DNAH12: variants seen among roughly 807,000 people sequenced by gnomAD.
DNAH12 encodes the protein dynein axonemal heavy chain 12.
In DNAH12, 285 loss-of-function variants were observed where a neutral mutation model predicts 371.5. The observed-to-expected ratio is 0.77, with a 90% CI of 0.70 to 0.85. The LOEUF (loss-of-function observed/expected upper bound fraction) is 0.85, where lower values mean the gene tolerates loss of function less well. DNAH12 is among the 40% of genes least tolerant of loss of function. DNAH12 has a pLI of 0.00. For synonymous variants in DNAH12, 1,200 were observed against 1,213.0 expected, an observed-to-expected ratio of 0.99 and a Z score of 0.22; for missense variants, 3,611 against 3,689.4, an observed-to-expected ratio of 0.98 and a Z score of 0.55.
At chr3:57,304,854 G>C (rs1204396694) in intron 69 of DNAH12, among the ~76,000 whole-genome samples, 1 of 151,722 alleles carries the variant, frequency 6.6e-6, no homozygotes. Flanking sequence ...CCACTTTCCT[G>C]GGGGGCAAGC....
intron 13 of DNAH12, among the ~76,000 whole-genome samples, chr3:57,479,258 A>G (rs2066649856): frequency 6.6e-6 from 1 of 152,160 alleles, no homozygotes; most frequent in South Asian, 2.1e-4. Flanking sequence ...AAAAAAAGGC[A>G]GGGGTTGCAA....
intron 59 of DNAH12, among the ~76,000 whole-genome samples, chr3:57,356,794 C>T (rs947817391): frequency 2.6e-4 from 39 of 151,980 alleles, no homozygotes; most frequent in Admixed American, 5.9e-4. Context: ...GGCTGGAGTG[C>T]GGGGGTGCCA....
chr3:57,369,170 A>T (rs2063114001), intron 55 of DNAH12, among the ~76,000 whole-genome samples: 1 of 150,370 alleles, frequency 6.7e-6, no homozygotes, highest in South Asian at 2.1e-4. Context: ...CAGTGAGCTA[A>T]GATTGCGCCA....
intron 66 of DNAH12, among the ~76,000 whole-genome samples, chr3:57,311,544 A>C (rs887124542): frequency 4.6e-5 from 7 of 152,242 alleles, no homozygotes; most frequent in Non-Finnish European, 1.0e-4. Flanking sequence ...ACTAGCTATC[A>C]ACTGGGGTTT....
At chr3:57,309,948 T>C (rs1019693018) in intron 67 of DNAH12, 94 bp from the exon 68 acceptor site, 13 of 1,133,232 alleles carry the variant, frequency 1.1e-5, no homozygotes, top group Middle Eastern at 2.9e-4. Context: ...TACTTTGGCA[T>C]AGGGGTTATG....
At chr3:57,463,978 CAGTA>C (rs2066128729) in intron 17 of DNAH12, among the ~76,000 whole-genome samples, 1 of 151,936 alleles carries the variant, frequency 6.6e-6, no homozygotes, top group Non-Finnish European at 1.5e-5. Context: ...GATGAGCAGA[CAGTA>C]AGAGAATCGG....
chr3:57,396,679 C>T (rs1400250563), intron 43 of DNAH12, among the ~76,000 whole-genome samples: 3 of 152,188 alleles, frequency 2.0e-5, no homozygotes, highest in African/African-American at 4.8e-5. Context: ...ACAAGTGATT[C>T]TCCTGCCTCA....
rs958347830 is a variant in DNAH12 at position 57,491,632 on chromosome 3, C to T, written c.1336-1945G>A. On this transcript the variant is annotated intron_variant, in intron 11 of 73. Coordinates refer to ENST00000495027, the MANE Select transcript of DNAH12 (RefSeq NM_001366028.2). ...TTATTTTTACACAAATCACAAGCATCTTATAAATTCATCTGTATAAGCCAG... is the reference window on the plus strand; with the variant it reads ...TTATTTTTACACAAATCACAAGCATTTTATAAATTCATCTGTATAAGCCAG... Among the ~76,000 whole-genome samples, 8 of 151,994 alleles carry T rather than the reference C, an allele frequency of 5.3e-5. No homozygotes were observed. In the East Asian group the frequency reaches 5.8e-4, roughly 11 times the overall value.
chr3:57,298,126 T>C (rs1418383527), intron 70 of DNAH12, among the ~76,000 whole-genome samples: 1 of 152,200 alleles, frequency 6.6e-6, no homozygotes, highest in Non-Finnish European at 1.5e-5. Flanking sequence ...TATCTTGAAG[T>C]GATACCATCC....
In DNAH12 at chr3:57,445,154, T is replaced by G; in HGVS notation, c.4425+20A>C. On this transcript the variant is annotated intron_variant, in intron 28 of 73. Transcript: ENST00000495027. The stretch of plus-strand genomic sequence containing the variant: ...TATCTTTCTACTGAAACTTTCCCAA[T>G]GTGTATATTTAATACTTACAAGTAT... 1 of 1,504,168 alleles carries G rather than the reference T, an allele frequency of 6.6e-7. No individual in the cohort carries two copies. Among genetic ancestry groups the G allele is most frequent in the Non-Finnish European group, 8.9e-7 (1 of 1,122,236 alleles). 93.2% of individuals were successfully genotyped at this position (1,504,168 alleles called of 1,614,324 possible).
At chr3:57,380,823 A>G (rs1242948928) in intron 50 of DNAH12, among the ~76,000 whole-genome samples, 1 of 152,178 alleles carries the variant, frequency 6.6e-6, no homozygotes, top group Non-Finnish European at 1.5e-5. Context: ...ACTTTCCTCA[A>G]GAACATGTTA....
At chr3:57,405,617 G>A (rs1553680829) in intron 41 of DNAH12, 36 bp downstream of exon 41, 1 of 1,530,898 alleles carries the variant, frequency 6.5e-7, no homozygotes, top group South Asian at 1.2e-5. Context: ...ATATGGTACT[G>A]CTTTAACTCA....
At chr3:57,397,303 A>G (rs1227542529) in intron 43 of DNAH12, among the ~76,000 whole-genome samples, 1 of 150,472 alleles carries the variant, frequency 6.6e-6, no homozygotes, top group Non-Finnish European at 1.5e-5. Flanking sequence ...CATGAACAAG[A>G]GAAGGGACTG....
intron 55 of DNAH12, among the ~76,000 whole-genome samples, chr3:57,374,012 C>G (rs981214163): frequency 2.0e-5 from 3 of 152,064 alleles, no homozygotes; most frequent in Non-Finnish European, 4.4e-5. Context: ...GTTAGATTTC[C>G]TTATATCTTT....
rs531891013 is a variant in DNAH12, at chr3:57,349,620, A to C, written c.9674+2465T>G. Among the ~76,000 whole-genome samples, 5 of 152,364 alleles carry C rather than the reference A, an allele frequency of 3.3e-5. No individual in the cohort carries two copies. The South Asian group carries it at 6.2e-4, about 19-fold the overall frequency. On this transcript the variant is annotated intron_variant, in intron 60 of 73. Transcript: ENST00000495027. ...AAATGTGACATATATATACCACAAA[A>C]TACTACTCAGCCATAAAAAGGAACA...
At position 57,419,493 on chromosome 3, in the gene DNAH12, T is replaced by C. The variant is rs2064496605; in HGVS notation, c.5588A>G (p.His1863Arg). The change falls in exon 37 of 74, where the codon CAT (histidine) becomes CGT (arginine). Residue 1863 changes from histidine to arginine, a missense_variant. Transcript: ENST00000495027. The part of the protein sequence containing the change: ...YELKNKGRWV[H>R]WNELIKNTNL... ...AGTATTTTTAATTAATTCATTCCAA[T>C]GGACCCAGCGACCTTTGTTTTTCAA... 1 of 1,465,074 alleles carries C rather than the reference T, an allele frequency of 6.8e-7. No homozygotes were observed. 90.8% of individuals were successfully genotyped at this position (1,465,074 alleles called of 1,614,324 possible).
intron 69 of DNAH12, among the ~76,000 whole-genome samples, chr3:57,307,670 T>G (rs1228833274): frequency 6.6e-6 from 1 of 152,222 alleles, no homozygotes; most frequent in Non-Finnish European, 1.5e-5. Context: ...CTCCTTCAGC[T>G]GTACTCACTC....
intron 35 of DNAH12, among the ~76,000 whole-genome samples, chr3:57,421,987 A>T (rs1057326602): frequency 1.4e-5 from 2 of 144,980 alleles, no homozygotes; most frequent in Admixed American, 7.0e-5. Context: ...ACTCACTGCA[A>T]CCTCAACCTC....
intron 38 of DNAH12, among the ~76,000 whole-genome samples, chr3:57,414,348 A>T (rs2064299583): frequency 6.6e-6 from 1 of 152,210 alleles, no homozygotes; most frequent in African/African-American, 2.4e-5. Flanking sequence ...TCCTCACTGG[A>T]TAACCAACAT....
Sources: allele counts gnomAD v4.1 joint callset (sites outside exome capture counted in the v4.1 genomes callset), GRCh38; gene constraint gnomAD v4.1.1; transcripts MANE v1.5; gene names NCBI Gene and HGNC (gene_info 2026-07-23, HGNC 2026-07-21).